Variants in AMT observed in about 807,000 individuals in gnomAD.
AMT encodes aminomethyltransferase, mitochondrial.
In AMT, 24 loss-of-function variants were observed where a neutral mutation model predicts 39.5. The observed-to-expected ratio is 0.61, with a 90% confidence interval of 0.44 to 0.86. AMT has a LOEUF of 0.86. AMT is among the 40% of genes least tolerant of loss of function. AMT has a pLI of 0.00. For missense variants in AMT, 501 were observed against 537.0 expected, an observed-to-expected ratio of 0.93 and a Z score of 0.66; for synonymous variants, 210 against 212.1, an observed-to-expected ratio of 0.99 and a Z score of 0.09.
intron 3 of AMT, chr3:49,420,939 T>G: frequency 5.0e-6 from 1 of 201,786 alleles, no homozygotes. Flanking sequence ...CACTTTGTTG[T>G]TGTTATTTTT....
chr3:49,421,869 C>T (rs1348151829), intron 2 of AMT: 1 of 724,056 alleles, frequency 1.4e-6, no homozygotes, highest in East Asian at 2.7e-5. Context: ...CCCTGGAAAA[C>T]CCGGGACATT....
At chr3:49,418,494 C>T (rs1178703788) in intron 7 of AMT, 62 of 64,618 alleles carry the variant, frequency 9.6e-4, no homozygotes, top group South Asian at 3.8e-3. Context: ...TCTTCAGTTT[C>T]TTTTTTTTTT....
At chr3:49,419,963 A>G in intron 4 of AMT, 175 bp from the exon 5 acceptor site, 1 of 797,852 alleles carries the variant, frequency 1.3e-6, no homozygotes. Context: ...TAAGTGATAG[A>G]GATGACCCAA....
chr3:49,422,401 G>T lies in AMT; in HGVS notation c.50C>A (p.Ala17Glu). ...VVARLGFRLQ[A>E]FPPALCRPLS... Reference sequence around the variant, plus strand: ...TGGACGACACAAGGCCGGGGGGAATGCCTGCAGGCGAAAGCCCAGACGGGC... The same window carrying T: ...TGGACGACACAAGGCCGGGGGGAATTCCTGCAGGCGAAAGCCCAGACGGGC... The change falls in exon 1 of 9, where the codon GCA becomes GAA. Residue 17 changes from alanine to glutamate, a missense_variant. Physicochemically the swap from Ala to Glu is moderately radical, Grantham distance 107. Transcript: ENST00000273588. 1.2e-6 allele frequency: 2 copies of T among 1,613,388 alleles called. No individual in the cohort carries two copies. Among genetic ancestry groups the T allele is most frequent in the Non-Finnish European group, 1.7e-6 (2 of 1,179,840 alleles).
Position 49,422,141 on chromosome 3 carries a change from T to C in AMT, c.221A>G (p.Gln74Arg), listed in dbSNP as rs772069819. 2 of 1,613,824 alleles carry C rather than the reference T, an allele frequency of 1.2e-6. No individual in the cohort carries two copies. Among genetic ancestry groups the C allele is most frequent in the Non-Finnish European group, 8.5e-7 (1 of 1,180,038 alleles). Residue 74 changes from glutamine (Q) to arginine (R), a missense_variant, in exon 2 of 9, where the codon CAG (glutamine) becomes CGG (arginine). Transcript: ENST00000273588. ...AGACACGTCAAAGAGCGAGCAGTGC[T>C]GGCGTGTGTGCAGGTGCGAGTCAGT... ...SHTDSHLHTR[Q>R]HCSLFDVSHM...
intron 2 of AMT, 64 bp downstream of exon 2, chr3:49,422,040 G>C: frequency 6.2e-7 from 1 of 1,606,614 alleles, no homozygotes; most frequent in Middle Eastern, 1.7e-4. Flanking sequence ...CAAAGCCAAG[G>C]AGTGGACCAC....
At position 49,417,278 on chromosome 3, in the gene AMT, A is replaced by AGCAG; in HGVS notation, c.*258_*261dup. On this transcript the variant is annotated 3_prime_UTR_variant, in exon 9 of 9. Transcript: ENST00000273588. ...GAACCAAAGCTTCTCATTACCCTCC[A>AGCAG]GCAGGCAAGAGTAGGTCAGTGGGAT... The AGCAG allele has an allele frequency of 1.3e-6, 2 of 1,598,264 alleles. No individual in the cohort carries two copies. Among genetic ancestry groups the AGCAG allele is most frequent in the Non-Finnish European group, 1.7e-6 (2 of 1,178,654 alleles).
intron 3 of AMT, chr3:49,420,622 A>G: frequency 2.2e-6 from 1 of 449,672 alleles, no homozygotes; most frequent in South Asian, 2.1e-5. Flanking sequence ...CTGACACTTA[A>G]TCTATGACAC....
At chr3:49,419,986 C>T (rs1168598983) in intron 4 of AMT, 198 bp from the exon 5 acceptor site, 9 of 778,136 alleles carry the variant, frequency 1.2e-5, no homozygotes, top group African/African-American at 1.7e-5. Flanking sequence ...CCAGTTCTGC[C>T]ACCTCACACC....
chr3:49,421,809 A>G (rs1158229787), intron 2 of AMT: 2 of 668,668 alleles, frequency 3.0e-6, no homozygotes, highest in Non-Finnish European at 5.4e-6. Context: ...TTCCTGAAAT[A>G]ACCCCTTTTC....
At position 49,419,805 on chromosome 3, in the gene AMT, C is replaced by T; in HGVS notation, c.472-17G>A. On this transcript the variant is annotated splice_polypyrimidine_tract_variant and intron_variant, in intron 4 of 8. Transcript: ENST00000273588. ...GACCTTGTCCTAAAAGACAGAAACACAAGAGCATCTGGGGCCACTTACTGA... is the reference window on the plus strand; with the variant it reads ...GACCTTGTCCTAAAAGACAGAAACATAAGAGCATCTGGGGCCACTTACTGA... 6.2e-7 allele frequency: 1 copy of T among 1,613,550 alleles called. No homozygotes were observed. Among genetic ancestry groups the T allele is most frequent in the Non-Finnish European group, 8.5e-7 (1 of 1,179,530 alleles).
chr3:49,421,645 C>G (rs1394243198), intron 2 of AMT, 73 bp from the exon 3 acceptor site: 2 of 1,352,776 alleles, frequency 1.5e-6, no homozygotes, highest in African/African-American at 2.9e-5. Flanking sequence ...AAGGATGCAT[C>G]CTCCCTGCCA....
chr3:49,420,386 C>T (rs2049079792), intron 3 of AMT, 44 bp from the exon 4 acceptor site: 2 of 1,613,484 alleles, frequency 1.2e-6, no homozygotes, highest in Admixed American at 1.7e-5. Context: ...TCCAGGAGGG[C>T]AAGGCCAAGG....
rs1456312095 is a variant in AMT at position 49,422,410 on chromosome 3, CGAA to C, written c.38_40del (p.Phe13_Arg14delinsCys). The C allele has an allele frequency of 1.9e-6, 3 of 1,613,510 alleles. No homozygotes were observed. Among genetic ancestry groups the C allele is most frequent in the Non-Finnish European group, 2.5e-6 (3 of 1,180,022 alleles). On this transcript the variant is annotated inframe_deletion, in exon 1 of 9. Transcript: ENST00000273588. ...CAAGGCCGGGGGGAATGCCTGCAGG[CGAA>C]AGCCCAGACGGGCCACCACACTTAC...
rs1286870841 is a variant in AMT at position 49,417,872 on chromosome 3, C to T, written c.979G>A (p.Gly327Arg). The change falls in exon 8 of 9, where the codon GGG becomes AGG. Residue 327 changes from glycine to arginine, a missense_variant. Gly to Arg is a moderately radical substitution (Grantham distance 125). Coordinates refer to ENST00000273588, the MANE Select transcript of AMT (RefSeq NM_000481.4). The part of the protein sequence containing the change: ...QRRRVGLMCE[G>R]APMRAHSPIL... ...GGACTGTGTGCCCGCATGGGGGCCC[C>T]CTCACACATCAACCCCACACGCCTC... 1 of 1,614,072 alleles carries T rather than the reference C, an allele frequency of 6.2e-7. No individual in the cohort carries two copies. The highest frequency in any genetic ancestry group is 8.5e-7 in the Non-Finnish European group (1 of 1,180,014).
At chr3:49,419,858 A>G (rs2049069101) in intron 4 of AMT, 70 bp from the exon 5 acceptor site, 1 of 1,425,494 alleles carries the variant, frequency 7.0e-7, no homozygotes, top group African/African-American at 1.4e-5. Flanking sequence ...GACGCTGCAG[A>G]GCTGGACAGT....
In AMT at chr3:49,421,578, G is replaced by GA. The variant is rs1195350527; in HGVS notation, c.259-7dup. ...TCACTACCAAGTATCTTGGTCTGGG[G>GA]AAGAGATTGAAAGCCTCAGGCCATT... On this transcript the variant is annotated splice_polypyrimidine_tract_variant and splice_region_variant and intron_variant, in intron 2 of 8. Coordinates refer to ENST00000273588, the MANE Select transcript of AMT (RefSeq NM_000481.4). 6.2e-7 allele frequency: 1 copy of GA among 1,613,462 alleles called. No individual in the cohort carries two copies. The highest frequency in any genetic ancestry group is 8.5e-7 in the Non-Finnish European group (1 of 1,179,502).
chr3:49,421,982 C>T, intron 2 of AMT, 122 bp downstream of exon 2: 2 of 1,415,630 alleles, frequency 1.4e-6, no homozygotes, highest in South Asian at 1.2e-5. Flanking sequence ...CCCCCATGAC[C>T]TCTAGCTCTT....
In AMT at chr3:49,418,363, A is replaced by C. The variant is rs572216405; in HGVS notation, c.878-390T>G. 298 of 304,904 alleles carry C rather than the reference A, an allele frequency of 9.8e-4. 1 individual carries two copies. Among genetic ancestry groups the C allele is most frequent in the African/African-American group, 6.1e-3 (278 of 45,422 alleles). 18.9% of individuals were successfully genotyped at this position (304,904 alleles called of 1,614,324 possible). ...ACGCCTGGCTAATTTTTATATTTTC[A>C]GTAGAGACGGGGTCTCACCATGTTG... On this transcript the variant is annotated intron_variant, in intron 7 of 8. Transcript: ENST00000273588.
Sources: gnomAD v4.1 joint callset for allele counts on GRCh38, gnomAD v4.1.1 for gene constraint, MANE v1.5 for transcripts, NCBI Gene and HGNC (gene_info 2026-07-23, HGNC 2026-07-21) for gene names.